FAM98A: variants seen among roughly 807,000 people sequenced by gnomAD.
The protein encoded by FAM98A is tRNA splicing ligase complex subunit 3A.
A neutral mutation model predicts 62.9 loss-of-function variants in FAM98A; 25 were observed. That is an observed-to-expected ratio of 0.40 (90% CI 0.29 to 0.56). FAM98A has a LOEUF of 0.56. FAM98A is among the 20% of genes least tolerant of loss of function. The pLI, the probability that FAM98A is intolerant of heterozygous loss-of-function variation, is 0.51. For synonymous variants in FAM98A, 252 were observed against 228.6 expected, an observed-to-expected ratio of 1.10 and a Z score of -0.92; for missense variants, 653 against 640.7, an observed-to-expected ratio of 1.02 and a Z score of -0.21.
intron 3 of FAM98A, 106 bp downstream of exon 3, chr2:33,591,974 A>G (rs1677680448): frequency 9.7e-7 from 1 of 1,030,946 alleles, no homozygotes; most frequent in Non-Finnish European, 1.4e-6. Context: ...TGAATTTTGA[A>G]TTACATTCAT....
intron 2 of FAM98A, among the ~76,000 whole-genome samples, chr2:33,594,817 T>C (rs552137564): frequency 1.3e-5 from 2 of 151,888 alleles, no homozygotes; most frequent in South Asian, 4.2e-4. Context: ...GGTTAACAGG[T>C]GAGTATTTTC....
At chr2:33,592,649 A>G (rs1290006895) in intron 2 of FAM98A, among the ~76,000 whole-genome samples, 1 of 152,152 alleles carries the variant, frequency 6.6e-6, no homozygotes, top group African/African-American at 2.4e-5. Context: ...GGATTACTAC[A>G]GGCATGAGCC....
chr2:33,592,322 T>C (rs1290483629), intron 2 of FAM98A, 108 bp from the exon 3 acceptor site: 1 of 902,852 alleles, frequency 1.1e-6, no homozygotes, highest in East Asian at 2.7e-5. Context: ...ATAACTTGAG[T>C]TTTTTCCCCT....
At chr2:33,585,471 CTTTTA>C (rs767695739) in intron 7 of FAM98A, 27 bp from the exon 8 acceptor site, 2 of 1,613,288 alleles carry the variant, frequency 1.2e-6, no homozygotes, top group South Asian at 2.2e-5. Context: ...ATATTTTAAA[CTTTTA>C]TTTTATGAAC....
At chr2:33,594,323 A>C (rs1677739399) in intron 2 of FAM98A, among the ~76,000 whole-genome samples, 1 of 152,000 alleles carries the variant, frequency 6.6e-6, no homozygotes, top group Non-Finnish European at 1.5e-5. Context: ...CAGAAAAAAA[A>C]CACCACATGT....
intron 4 of FAM98A, 38 bp from the exon 5 acceptor site, chr2:33,587,358 A>G: frequency 7.1e-7 from 1 of 1,415,008 alleles, no homozygotes; most frequent in Non-Finnish European, 1.0e-6. Context: ...AAAAACTCTA[A>G]AAGTAAAACA....
In FAM98A at chr2:33,599,179, C is replaced by A. The variant is rs1465059404; in HGVS notation, c.43G>T (p.Glu15Ter). The change falls in exon 1 of 8, where the codon GAA becomes TAA. Residue 15 changes from glutamate to a stop codon, truncating the protein, a stop_gained. Coordinates refer to ENST00000238823, the MANE Select transcript of FAM98A (RefSeq NM_015475.5). LOFTEE classifies it high-confidence loss of function. ...LMETDILESL[E>*]DLGYKGPLLE... ...CCCTGACAATCTTACCCTAGATCTT[C>A]CAACGACTCCAAGATGTCAGTCTCC... 8 of 1,613,932 alleles carry A rather than the reference C, an allele frequency of 5.0e-6. No homozygotes were observed. Among genetic ancestry groups the A allele is most frequent in the Non-Finnish European group, 5.9e-6 (7 of 1,179,834 alleles).
intron 1 of FAM98A, among the ~76,000 whole-genome samples, chr2:33,595,889 C>T (rs1677801790): frequency 6.6e-6 from 1 of 151,974 alleles, no homozygotes; most frequent in Admixed American, 6.6e-5. Flanking sequence ...GCATATACTA[C>T]TAAATTATGT....
intron 3 of FAM98A, among the ~76,000 whole-genome samples, chr2:33,590,986 G>A (rs1415267482): frequency 6.6e-6 from 1 of 152,116 alleles, no homozygotes; most frequent in Admixed American, 6.6e-5. Context: ...AATCAGCTGA[G>A]TATACTGCTA....
In FAM98A at chr2:33,595,523, G is replaced by T; in HGVS notation, c.168C>A (p.Leu56=). The T allele has an allele frequency of 6.2e-7, 1 of 1,608,186 alleles. No homozygotes were observed. Among genetic ancestry groups the T allele is most frequent in the Non-Finnish European group, 8.5e-7 (1 of 1,177,830 alleles). ...CTTGCACGTTTTCCTCTAGTTTACA[G>T]AGCACTCTTAATTCAGACACCAGCC... is the stretch of plus-strand genomic sequence containing the variant. The part of the protein sequence containing the change: ...CAWLVSELRV[L]CKLEENVQAT... Residue 56 remains leucine, a synonymous_variant, in exon 2 of 8, where the codon CTC becomes CTA. Coordinates refer to ENST00000238823, the MANE Select transcript of FAM98A (RefSeq NM_015475.5).
Position 33,586,647 on chromosome 2 carries a change from G to T in FAM98A, c.635C>A (p.Ala212Asp). The T allele has an allele frequency of 6.2e-7, 1 of 1,613,144 alleles. No individual in the cohort carries two copies. The highest frequency in any genetic ancestry group is 8.5e-7 in the Non-Finnish European group (1 of 1,179,188). The change falls in exon 6 of 8, where the codon GCC becomes GAC. Residue 212 changes from alanine to aspartate, a missense_variant. By Grantham distance (126) the Ala-to-Asp change is moderately radical (BLOSUM62 -2). Transcript: ENST00000238823. ...CTTTCTCCGGACTTCATATTCATTG[G>T]CTATGGCTTGGTTAATTGCTTCTAT... ...EKIEAINQAI[A>D]NEYEVRRKLL...
Position 33,583,807 on chromosome 2 carries a change from A to G in FAM98A, c.*969T>C, listed in dbSNP as rs1277690573. ...ATTTCAGTAAGGGAGAATGTAAAAC[A>G]TCAACTCAGCCAGGCTTTTGTTTTC... On this transcript the variant is annotated 3_prime_UTR_variant, in exon 8 of 8. Transcript: ENST00000238823. 6.5e-6 allele frequency: 1 copy of G among 152,686 alleles called. No homozygotes were observed. Among genetic ancestry groups the G allele is most frequent in the Admixed American group, 6.5e-5 (1 of 15,286 alleles). The allele number at this position is 152,686 out of a possible 1,614,324, so 9.5% of individuals were successfully genotyped here.
In FAM98A at chr2:33,599,191, A is replaced by G; in HGVS notation, c.31T>C (p.Leu11=). ...TACCCTAGATCTTCCAACGACTCCA[A>G]GATGTCAGTCTCCATGAGGTCACAC... The part of the protein sequence containing the change: MECDLMETDI[L]ESLEDLGYKG... The change falls in exon 1 of 8, where the codon TTG becomes CTG. Residue 11 remains leucine, a synonymous_variant. Coordinates refer to ENST00000238823, the MANE Select transcript of FAM98A (RefSeq NM_015475.5). 2 of 1,614,004 alleles carry G rather than the reference A, an allele frequency of 1.2e-6. No homozygotes were observed. The highest frequency in any genetic ancestry group is 1.7e-6 in the Non-Finnish European group (2 of 1,179,916).
intron 4 of FAM98A, chr2:33,588,048 A>C: frequency 2.8e-6 from 1 of 359,416 alleles, no homozygotes; most frequent in South Asian, 2.5e-5. Flanking sequence ...AAAAGGACTG[A>C]AATCTTAATC....
intron 4 of FAM98A, chr2:33,587,698 G>A (rs1444788847): frequency 4.7e-6 from 1 of 212,524 alleles, no homozygotes; most frequent in East Asian, 1.0e-4. Flanking sequence ...CAATTCTTAA[G>A]AGTCCAGCAG....
At chr2:33,586,990 T>C (rs1363256201) in intron 5 of FAM98A, 1 of 525,684 alleles carries the variant, frequency 1.9e-6, no homozygotes, top group African/African-American at 1.9e-5. Flanking sequence ...ACATGCACCA[T>C]ACTTAATTTC....
chr2:33,587,149 T>C, intron 5 of FAM98A, 91 bp downstream of exon 5: 1 of 817,240 alleles, frequency 1.2e-6, no homozygotes, highest in Non-Finnish European at 2.0e-6. Context: ...TAAGAAAACA[T>C]AATTTAAAAA....
At chr2:33,598,253 A>T (rs1677859211) in intron 1 of FAM98A, among the ~76,000 whole-genome samples, 1 of 152,226 alleles carries the variant, frequency 6.6e-6, no homozygotes, top group Non-Finnish European at 1.5e-5. Context: ...ATTTTGATAA[A>T]GAACTTGTTA....
In FAM98A at chr2:33,585,163, T is replaced by TCCA; in HGVS notation, c.1167_1169dup (p.Gly393dup). On this transcript the variant is annotated inframe_insertion, in exon 8 of 8. Transcript: ENST00000238823. ...AACCACCATCTTGGTAGCCACCTCC[T>TCCA]CCACCACTCCCTCCATCTGTCCAGC... 1 of 1,614,092 alleles carries TCCA rather than the reference T, an allele frequency of 6.2e-7. No individual in the cohort carries two copies. The highest frequency in any genetic ancestry group is 8.5e-7 in the Non-Finnish European group (1 of 1,180,014).
Sources: allele counts gnomAD v4.1 joint callset (sites outside exome capture counted in the v4.1 genomes callset), GRCh38; gene constraint gnomAD v4.1.1; transcripts MANE v1.5; gene names NCBI Gene and HGNC (gene_info 2026-07-23, HGNC 2026-07-21).